The following DNAJC1 variants were observed in gnomAD, a reference collection of about 807,000 sequenced individuals.
DNAJC1 encodes the protein dnaJ homolog subfamily C member 1.
A neutral mutation model predicts 76.6 loss-of-function variants in DNAJC1; 58 were observed. The observed-to-expected ratio is 0.76, with a 90% CI of 0.61 to 0.94. DNAJC1 has a LOEUF of 0.94. Ranked by LOEUF, DNAJC1 falls within the 40% of genes least tolerant of loss-of-function variation. DNAJC1 has a pLI of 0.00. For missense variants in DNAJC1, 689 were observed against 677.3 expected (o/e 1.02, Z -0.19); for synonymous variants, 258 against 267.9 (o/e 0.96, Z 0.36).
intron 7 of DNAJC1, among the ~76,000 whole-genome samples, chr10:21,891,476 C>CAAAAAAAAAAAAAAAAAAAGAAAAAA (rs1554894555): frequency 2.3e-4 from 9 of 38,838 alleles, no homozygotes; most frequent in East Asian, 7.7e-4. Flanking sequence ...ACAAAGTAGA[C>CAAAAAAAAAAAAAAAAAAAGAAAAAA]AAAAAAAAAA....
chr10:21,820,221 T>C (rs1322685227), intron 8 of DNAJC1, among the ~76,000 whole-genome samples: 1 of 152,248 alleles, frequency 6.6e-6, no homozygotes, highest in Non-Finnish European at 1.5e-5. Flanking sequence ...CATAATGTTT[T>C]CAAGGTCCAT....
chr10:21,971,464 G>A (rs1408530477), intron 1 of DNAJC1, among the ~76,000 whole-genome samples: 1 of 151,492 alleles, frequency 6.6e-6, no homozygotes, highest in Non-Finnish European at 1.5e-5. Context: ...AGTCCTATGA[G>A]AAATCAAAAA....
rs186474590 is a variant in DNAJC1 at position 21,786,197 on chromosome 10, T to C, written c.1098+19783A>G. Among the ~76,000 whole-genome samples the C allele has an allele frequency of 2.2e-3, 338 of 151,944 alleles. 10 individuals carry two copies. In the East Asian group the frequency reaches 0.034, roughly 15 times the overall value. ...TAGAGTTGTTGTTGGTCTTAGCCCA[T>C]TGGTTCTAGATCTCCAAGAGGCAGA... On this transcript the variant is annotated intron_variant, in intron 9 of 11. Coordinates refer to ENST00000376980, the MANE Select transcript of DNAJC1 (RefSeq NM_022365.4).
intron 1 of DNAJC1, among the ~76,000 whole-genome samples, chr10:21,992,329 T>C (rs1838339164): frequency 1.3e-5 from 2 of 152,236 alleles, no homozygotes; most frequent in South Asian, 4.2e-4. Flanking sequence ...ATAGTAATTT[T>C]TGAAAATGTG....
chr10:21,978,399 C>T (rs1027752830), intron 1 of DNAJC1, among the ~76,000 whole-genome samples: 1 of 152,020 alleles, frequency 6.6e-6, no homozygotes, highest in African/African-American at 2.4e-5. Flanking sequence ...GTGGGAAAGT[C>T]GATTAGCAAG....
chr10:21,778,209 A>T (rs575994483), intron 9 of DNAJC1, among the ~76,000 whole-genome samples: 1 of 152,256 alleles, frequency 6.6e-6, no homozygotes, highest in African/African-American at 2.4e-5. Flanking sequence ...AGAAAAAAAA[A>T]TGCTGATATT....
chr10:21,894,660 T>C (rs1183313965), intron 7 of DNAJC1, among the ~76,000 whole-genome samples: 1 of 152,094 alleles, frequency 6.6e-6, no homozygotes, highest in African/African-American at 2.4e-5. Flanking sequence ...AACACAAAGA[T>C]AATGCAAAAA....
chr10:21,829,184 C>T (rs1835313476), intron 8 of DNAJC1, among the ~76,000 whole-genome samples: 1 of 151,678 alleles, frequency 6.6e-6, no homozygotes, highest in Non-Finnish European at 1.5e-5. Flanking sequence ...GAATGAGTCA[C>T]CATGCCCAGC....
intron 3 of DNAJC1, among the ~76,000 whole-genome samples, chr10:21,923,884 G>A (rs1045864142): frequency 6.6e-6 from 1 of 151,578 alleles, no homozygotes; most frequent in Non-Finnish European, 1.5e-5. Flanking sequence ...AATTTAAAAC[G>A]TTACAATTTT....
rs1838068782 is a variant in DNAJC1 at position 21,976,680 on chromosome 10, G to T, written c.222+26533C>A. Among the ~76,000 whole-genome samples, 3 of 152,174 alleles carry T rather than the reference G, an allele frequency of 2.0e-5. No individual in the cohort carries two copies. In the South Asian group the frequency reaches 6.2e-4, roughly 32 times the overall value. ...ACAGAAGTCTGAAAAGGTTACCCTTGCATTTTAGGAGTAAGCGATGTTTTC... is the reference window on the plus strand; with the variant it reads ...ACAGAAGTCTGAAAAGGTTACCCTTTCATTTTAGGAGTAAGCGATGTTTTC... On this transcript the variant is annotated intron_variant, in intron 1 of 11. Coordinates refer to ENST00000376980, the MANE Select transcript of DNAJC1 (RefSeq NM_022365.4).
At chr10:21,839,946 C>T (rs1040459706) in intron 8 of DNAJC1, among the ~76,000 whole-genome samples, 4 of 152,188 alleles carry the variant, frequency 2.6e-5, no homozygotes, top group East Asian at 1.9e-4. Flanking sequence ...GCTGGTTCAA[C>T]ATACGCAAAT....
At chr10:21,853,884 A>C (rs192774058) in intron 8 of DNAJC1, among the ~76,000 whole-genome samples, 2 of 151,784 alleles carry the variant, frequency 1.3e-5, no homozygotes, top group Admixed American at 1.3e-4. Context: ...AAAACTTATC[A>C]AGTTAGCTCT....
intron 8 of DNAJC1, among the ~76,000 whole-genome samples, chr10:21,853,281 A>G (rs893697724): frequency 1.3e-5 from 2 of 152,086 alleles, no homozygotes; most frequent in African/African-American, 4.8e-5. Context: ...TCTTTGCGCC[A>G]CATGTGTTTC....
intron 1 of DNAJC1, among the ~76,000 whole-genome samples, chr10:21,960,490 T>C (rs1837771848): frequency 6.6e-6 from 1 of 152,154 alleles, no homozygotes; most frequent in African/African-American, 2.4e-5. Flanking sequence ...GATAGGAGCA[T>C]TACTTGAGCC....
chr10:21,843,272 T>C (rs2131681098), intron 8 of DNAJC1, among the ~76,000 whole-genome samples: 1 of 152,332 alleles, frequency 6.6e-6, no homozygotes, highest in South Asian at 2.1e-4. Flanking sequence ...CTTTGTAATC[T>C]CTGTGAAGTC....
At chr10:21,829,380 ATTTC>A (rs1835318428) in intron 8 of DNAJC1, among the ~76,000 whole-genome samples, 1 of 152,030 alleles carries the variant, frequency 6.6e-6, no homozygotes, top group Non-Finnish European at 1.5e-5. Flanking sequence ...TGCCCGGCTA[ATTTC>A]TTTTTGTATT....
At chr10:21,959,045 T>C (rs771623167) in intron 1 of DNAJC1, among the ~76,000 whole-genome samples, 8 of 152,146 alleles carry the variant, frequency 5.3e-5, no homozygotes, top group African/African-American at 1.4e-4. Context: ...GTATGAGGAA[T>C]TGGCCTTTCT....
chr10:21,866,805 C>T (rs1836008651), intron 8 of DNAJC1, among the ~76,000 whole-genome samples: 1 of 152,042 alleles, frequency 6.6e-6, no homozygotes, highest in Admixed American at 6.5e-5. Flanking sequence ...ATTCAAAGGA[C>T]TGAAATCAGA....
At chr10:21,928,421 T>A in intron 3 of DNAJC1, 85 bp downstream of exon 3, 3 of 1,187,318 alleles carry the variant, frequency 2.5e-6, no homozygotes, top group Non-Finnish European at 3.7e-6. Context: ...AACATAATAA[T>A]AAAATGTTTA....
Sources: allele counts gnomAD v4.1 joint callset (sites outside exome capture counted in the v4.1 genomes callset), GRCh38; gene constraint gnomAD v4.1.1; transcripts MANE v1.5; gene names NCBI Gene and HGNC (gene_info 2026-07-23, HGNC 2026-07-21).